Variants in KIAA1217 observed in about 807,000 individuals in gnomAD.
KIAA1217 encodes KIAA1217, also known as sickle tail protein homolog.
In KIAA1217, 88 loss-of-function variants were observed where a neutral mutation model predicts 163.9. That is an observed-to-expected ratio of 0.54 (90% CI 0.45 to 0.64). KIAA1217 has a LOEUF of 0.64. Ranked by LOEUF, KIAA1217 falls within the 30% of genes least tolerant of loss-of-function variation. KIAA1217 has a pLI of 0.00. For synonymous variants in KIAA1217, 903 were observed against 923.1 expected (o/e 0.98, Z 0.39); for missense variants, 2,372 against 2,475.0 (o/e 0.96, Z 0.88).
chr10:24,452,316 A>G (rs1416836950), intron 5 of KIAA1217, among the ~76,000 whole-genome samples: 1 of 152,132 alleles, frequency 6.6e-6, no homozygotes, highest in African/African-American at 2.4e-5. Context: ...CTCAAGAAAC[A>G]GCACTGAAAC....
chr10:23,879,172 C>A (rs765183813), intron 1 of KIAA1217, among the ~76,000 whole-genome samples: 2 of 151,850 alleles, frequency 1.3e-5, no homozygotes, highest in Admixed American at 6.6e-5. Context: ...TCAACTGAGA[C>A]CCACCTTCAC....
intron 1 of KIAA1217, among the ~76,000 whole-genome samples, chr10:23,822,768 A>C (rs140754901): frequency 6.6e-6 from 1 of 152,308 alleles, no homozygotes; most frequent in East Asian, 1.9e-4. Context: ...AGTTTTTCCC[A>C]CAGAGTTTTG....
chr10:24,327,474 C>T (rs1445554015), intron 2 of KIAA1217, among the ~76,000 whole-genome samples: 2 of 152,062 alleles, frequency 1.3e-5, no homozygotes, highest in Non-Finnish European at 2.9e-5. Flanking sequence ...CTTCAATACT[C>T]TTTGACATAT....
At chr10:23,899,107 C>A (rs1293408864) in intron 1 of KIAA1217, among the ~76,000 whole-genome samples, 1 of 152,012 alleles carries the variant, frequency 6.6e-6, no homozygotes, top group African/African-American at 2.4e-5. Context: ...GGTTTGTTTC[C>A]TCTATAATCA....
intron 2 of KIAA1217, among the ~76,000 whole-genome samples, chr10:24,288,581 G>C (rs1392811952): frequency 1.3e-5 from 2 of 152,184 alleles, no homozygotes; most frequent in African/African-American, 4.8e-5. Context: ...GCTCACTCAA[G>C]GGACAGAGCA....
At chr10:24,271,216 A>G (rs142357673) in intron 2 of KIAA1217, among the ~76,000 whole-genome samples, 3 of 152,330 alleles carry the variant, frequency 2.0e-5, no homozygotes, top group African/African-American at 7.2e-5. Context: ...TGATTGACAT[A>G]AAATATGTCA....
chr10:24,288,559 T>C lies in KIAA1217; in HGVS notation c.354+68650T>C, dbSNP rs553384076. Among the ~76,000 whole-genome samples the C allele has an allele frequency of 2.0e-5, 3 of 152,214 alleles. No homozygotes were observed. In the South Asian group the frequency reaches 6.2e-4, roughly 32 times the overall value. ...GGAGAGATGGCACAGAATTGCTATATAGGATGTGAATGCTCACTCAAGGGA... is the reference window on the plus strand; with the variant it reads ...GGAGAGATGGCACAGAATTGCTATACAGGATGTGAATGCTCACTCAAGGGA... On this transcript the variant is annotated intron_variant, in intron 2 of 20. Transcript: ENST00000376454.
At chr10:24,486,819 G>A (rs191881353) in intron 6 of KIAA1217, among the ~76,000 whole-genome samples, 2 of 152,142 alleles carry the variant, frequency 1.3e-5, no homozygotes, top group East Asian at 3.9e-4. Flanking sequence ...GTTCGTTGGT[G>A]TCTAAGGTTT....
chr10:23,894,280 A>T (rs1841572459), intron 1 of KIAA1217, among the ~76,000 whole-genome samples: 2 of 152,050 alleles, frequency 1.3e-5, no homozygotes, highest in African/African-American at 4.8e-5. Context: ...CTGATAAGCA[A>T]CTTCAGCAAA....
At chr10:23,894,828 A>G (rs1474047010) in intron 1 of KIAA1217, among the ~76,000 whole-genome samples, 1 of 151,666 alleles carries the variant, frequency 6.6e-6, no homozygotes, top group Non-Finnish European at 1.5e-5. Context: ...GCCCTCAGAA[A>G]TAACACCACA....
At chr10:23,962,691 A>T (rs921836460) in intron 1 of KIAA1217, among the ~76,000 whole-genome samples, 4 of 152,252 alleles carry the variant, frequency 2.6e-5, no homozygotes, top group African/African-American at 9.6e-5. Flanking sequence ...TGCCTTAAAA[A>T]TTACTTTGCC....
chr10:24,013,808 G>A (rs1847354361), intron 2 of KIAA1217, among the ~76,000 whole-genome samples: 1 of 152,066 alleles, frequency 6.6e-6, no homozygotes, highest in African/African-American at 2.4e-5. Flanking sequence ...ATGCGCTATG[G>A]GGAGTGCCGC....
At chr10:24,017,032 G>GT (rs1847508672) in intron 2 of KIAA1217, among the ~76,000 whole-genome samples, 8 of 98,262 alleles carry the variant, frequency 8.1e-5, no homozygotes, top group East Asian at 2.4e-4. Context: ...TGGTTAGTTA[G>GT]TTTTTTTGTT....
At chr10:24,238,314 A>G (rs1441419958) in intron 2 of KIAA1217, among the ~76,000 whole-genome samples, 1 of 152,086 alleles carries the variant, frequency 6.6e-6, no homozygotes, top group East Asian at 1.9e-4. Flanking sequence ...ATGGGTTTGA[A>G]CTCAGTCCTA....
intron 2 of KIAA1217, among the ~76,000 whole-genome samples, chr10:24,117,571 G>A (rs1370962699): frequency 2.0e-5 from 3 of 152,102 alleles, no homozygotes; most frequent in Non-Finnish European, 2.9e-5. Flanking sequence ...GGAGGTTGAG[G>A]CTGCAGTGAG....
chr10:23,843,477 T>C (rs1263766391), intron 1 of KIAA1217, among the ~76,000 whole-genome samples: 2 of 152,170 alleles, frequency 1.3e-5, no homozygotes, highest in Non-Finnish European at 2.9e-5. Flanking sequence ...TTCTCCCAAG[T>C]GTTTTCAGCC....
At chr10:23,722,784 G>A (rs1464422084) in intron 1 of KIAA1217, among the ~76,000 whole-genome samples, 1 of 152,166 alleles carries the variant, frequency 6.6e-6, no homozygotes, top group East Asian at 1.9e-4. Flanking sequence ...CTTAGTCTGT[G>A]CAGTAAGAAG....
At chr10:23,761,706 G>A (rs527938167) in intron 1 of KIAA1217, among the ~76,000 whole-genome samples, 7 of 152,230 alleles carry the variant, frequency 4.6e-5, no homozygotes, top group Admixed American at 2.0e-4. Context: ...ATTGCCACGT[G>A]GCACTGAAAA....
chr10:24,417,101 G>A (rs1026816582), intron 3 of KIAA1217, among the ~76,000 whole-genome samples: 2 of 152,070 alleles, frequency 1.3e-5, no homozygotes, highest in African/African-American at 4.8e-5. Context: ...GAGATACAGC[G>A]AGTCTTTTGT....
Sources: gnomAD v4.1 joint callset for allele counts (sites outside exome capture counted in the v4.1 genomes callset) on GRCh38, gnomAD v4.1.1 for gene constraint, MANE v1.5 for transcripts, NCBI Gene and HGNC (gene_info 2026-07-23, HGNC 2026-07-21) for gene names.